Variants in DST observed in about 807,000 individuals in gnomAD.
The protein encoded by DST is dystonin, also known as bullous pemphigoid antigen.
A neutral mutation model predicts 875.2 loss-of-function variants in DST; 253 were observed. The observed-to-expected ratio is 0.29, with a 90% CI of 0.26 to 0.32. The LOEUF (loss-of-function observed/expected upper bound fraction) is 0.32, where lower values mean the gene tolerates loss of function less well. DST is among the 10% of genes least tolerant of loss of function. The pLI, the probability that DST is intolerant of heterozygous loss-of-function variation, is 1.00. For synonymous variants in DST, 3,124 were observed against 3,197.1 expected (o/e 0.98, Z 0.77); for missense variants, 8,287 against 9,111.6 (o/e 0.91, Z 3.68).
chr6:56,522,616 T>C (rs531297118), intron 69 of DST, among the ~76,000 whole-genome samples: 9 of 152,172 alleles, frequency 5.9e-5, no homozygotes, highest in Admixed American at 5.9e-4. Flanking sequence ...TTAAAAGAAA[T>C]AAACAGGTGA....
At chr6:56,842,770 A>C (rs1180169214) in intron 4 of DST, among the ~76,000 whole-genome samples, 1 of 152,204 alleles carries the variant, frequency 6.6e-6, no homozygotes, top group Admixed American at 6.5e-5. Flanking sequence ...CGTAGTGCTT[A>C]AGAGCTTTTA....
At chr6:56,759,033 A>G (rs776322700) in intron 4 of DST, among the ~76,000 whole-genome samples, 3 of 152,196 alleles carry the variant, frequency 2.0e-5, no homozygotes, top group Non-Finnish European at 2.9e-5. Flanking sequence ...GAGCTGCATT[A>G]TCATCCTGCA....
At chr6:56,672,735 C>T (rs565333389) in intron 9 of DST, among the ~76,000 whole-genome samples, 104 of 152,264 alleles carry the variant, frequency 6.8e-4, no homozygotes, top group African/African-American at 2.5e-3. Flanking sequence ...CAGTGTAATG[C>T]CTGGCCCATA....
chr6:56,601,029 T>C (rs2098441188), intron 44 of DST, among the ~76,000 whole-genome samples: 1 of 151,950 alleles, frequency 6.6e-6, no homozygotes, highest in Non-Finnish European at 1.5e-5. Context: ...AATGAATGAG[T>C]AGTGCAGCTG....
chr6:56,760,690 A>T (rs560067529), intron 4 of DST, among the ~76,000 whole-genome samples: 1 of 152,350 alleles, frequency 6.6e-6, no homozygotes, highest in South Asian at 2.1e-4. Flanking sequence ...TACTACCTTG[A>T]ATACTACTAA....
chr6:56,603,232 C>T lies in DST; in HGVS notation c.11130G>A (p.Gln3710=). The change falls in exon 42 of 104, where the codon CAG becomes CAA. Residue 3710 remains glutamine (Q), a synonymous_variant. Coordinates refer to ENST00000680361, the MANE Select transcript of DST (RefSeq NM_001374736.1). ...LSNVSSERTK[Q]IMLAIDSEMS... is the part of the protein sequence containing the mutation. The stretch of plus-strand genomic sequence containing the variant: ...TTTCAGAGTCGATCGCAAGCATGAT[C>T]TGTTTCGTTCTTTCTGAAGACACGT... 1 of 1,605,028 alleles carries T rather than the reference C, an allele frequency of 6.2e-7. No homozygotes were observed. The highest frequency in any genetic ancestry group is 8.5e-7 in the Non-Finnish European group (1 of 1,175,532).
intron 49 of DST, among the ~76,000 whole-genome samples, chr6:56,588,297 C>A (rs1331569009): frequency 2.0e-5 from 3 of 152,170 alleles, no homozygotes; most frequent in African/African-American, 7.2e-5. Flanking sequence ...GCTATTTATT[C>A]ATGCTGGACC....
chr6:56,514,578 TAC>T (rs766261479), intron 72 of DST, among the ~76,000 whole-genome samples: 4,428 of 145,030 alleles, frequency 0.031, 185 homozygotes, highest in African/African-American at 0.09. Context: ...CACAGGCGTA[TAC>T]ACACACACAC....
chr6:56,615,181 A>G (rs1469534697), intron 36 of DST: 2 of 1,133,244 alleles, frequency 1.8e-6, no homozygotes, highest in African/African-American at 3.2e-5. Context: ...AATGATCACT[A>G]TTCAATGAAG....
At position 56,650,154 on chromosome 6, in the gene DST, G is replaced by A. The variant is rs143377222; in HGVS notation, c.1434+772C>T. Reference sequence around the variant, plus strand: ...CAGAAAAGGGAGCTCCTAATCCAGGGGAGCTAATCAAAGATGAGCTCCTAA... The same window carrying A: ...CAGAAAAGGGAGCTCCTAATCCAGGAGAGCTAATCAAAGATGAGCTCCTAA... On this transcript the variant is annotated intron_variant, in intron 12 of 103. Coordinates refer to ENST00000680361, the MANE Select transcript of DST (RefSeq NM_001374736.1). Among the ~76,000 whole-genome samples, 100 of 151,950 alleles carry A rather than the reference G, an allele frequency of 6.6e-4. No individual in the cohort carries two copies. The East Asian group carries it at 0.017, about 26-fold the overall frequency.
chr6:56,932,176 G>A (rs1345316816), intron 2 of DST, among the ~76,000 whole-genome samples: 1 of 152,150 alleles, frequency 6.6e-6, no homozygotes, highest in Admixed American at 6.5e-5. Flanking sequence ...CCCCCAGACT[G>A]TTCTCGTGGT....
chr6:56,840,246 T>A (rs1024049927), intron 4 of DST, among the ~76,000 whole-genome samples: 2 of 152,140 alleles, frequency 1.3e-5, no homozygotes, highest in Admixed American at 1.3e-4. Context: ...GCATATGGGT[T>A]AGTTTCCTTA....
At chr6:56,459,539 C>T (rs1581891091) in intron 103 of DST, among the ~76,000 whole-genome samples, 1 of 152,282 alleles carries the variant, frequency 6.6e-6, no homozygotes, top group Non-Finnish European at 1.5e-5. Context: ...TGCAAACAGA[C>T]ATAAGGAATA....
intron 5 of DST, among the ~76,000 whole-genome samples, chr6:56,733,291 A>T (rs1278591984): frequency 1.3e-5 from 2 of 152,140 alleles, no homozygotes; most frequent in African/African-American, 2.4e-5. Context: ...CCCAAACTGT[A>T]GCTTTTTCTA....
intron 17 of DST, among the ~76,000 whole-genome samples, chr6:56,641,261 G>A (rs556185755): frequency 1.3e-5 from 2 of 152,044 alleles, no homozygotes; most frequent in South Asian, 4.2e-4. Context: ...TTCATAATAG[G>A]ATAAACAGAA....
chr6:56,928,623 G>A (rs1183593687), intron 2 of DST, among the ~76,000 whole-genome samples: 1 of 152,000 alleles, frequency 6.6e-6, no homozygotes, highest in African/African-American at 2.4e-5. Context: ...TGCAAAAGTT[G>A]GAAAAGAGGA....
At chr6:56,702,086 A>C in intron 7 of DST, 121 bp from the exon 8 acceptor site, 1 of 555,284 alleles carries the variant, frequency 1.8e-6, no homozygotes, top group South Asian at 3.3e-5. Context: ...AGGTAAGGCC[A>C]TAAGATTTTC....
intron 4 of DST, among the ~76,000 whole-genome samples, chr6:56,826,146 C>T (rs1159647341): frequency 6.6e-6 from 1 of 152,212 alleles, no homozygotes; most frequent in Non-Finnish European, 1.5e-5. Flanking sequence ...AGACAGCCTG[C>T]AAGTGTATGA....
At chr6:56,507,745 T>C (rs1213843683) in intron 75 of DST, among the ~76,000 whole-genome samples, 1 of 152,090 alleles carries the variant, frequency 6.6e-6, no homozygotes, top group Non-Finnish European at 1.5e-5. Flanking sequence ...AACATAACTT[T>C]GGAAACATAG....
Sources: allele counts gnomAD v4.1 joint callset (sites outside exome capture counted in the v4.1 genomes callset), GRCh38; gene constraint gnomAD v4.1.1; transcripts MANE v1.5; gene names NCBI Gene and HGNC (gene_info 2026-07-23, HGNC 2026-07-21).